B3GLCT: variants seen among roughly 807,000 people sequenced by gnomAD.
B3GLCT encodes the protein beta 3-glucosyltransferase, also known as beta-1,3-glucosyltransferase.
Under a neutral mutation model 63.4 loss-of-function variants are expected in B3GLCT, and 65 were observed. The observed-to-expected ratio is 1.03, with a 90% CI of 0.84 to 1.26. The LOEUF is 1.26. Among genes scored for constraint, B3GLCT ranks in the 50% most tolerant of loss-of-function variants. The pLI, the probability that B3GLCT is intolerant of heterozygous loss-of-function variation, is 0.00. For synonymous variants in B3GLCT, 233 were observed against 219.2 expected (o/e 1.06, Z -0.55); for missense variants, 577 against 604.8 (o/e 0.95, Z 0.48).
At chr13:31,265,358 A>G (rs1000515246) in intron 7 of B3GLCT, among the ~76,000 whole-genome samples, 22 of 152,118 alleles carry the variant, frequency 1.4e-4, no homozygotes, top group Admixed American at 1.2e-3. Flanking sequence ...TGAAGGGGAA[A>G]CTCTGTATTA....
At chr13:31,208,623 C>G (rs1005714819) in intron 1 of B3GLCT, among the ~76,000 whole-genome samples, 4 of 116,370 alleles carry the variant, frequency 3.4e-5, no homozygotes, top group African/African-American at 3.9e-5. Flanking sequence ...TTAGTGGCCC[C>G]CCCCCCCCGC....
intron 7 of B3GLCT, 131 bp downstream of exon 7, chr13:31,261,213 T>C (rs2137830865): frequency 1.9e-6 from 2 of 1,060,670 alleles, no homozygotes; most frequent in Non-Finnish European, 2.7e-6. Flanking sequence ...TGTGGTAAGA[T>C]CTGGAAAAGG....
In B3GLCT at chr13:31,284,907, G is replaced by T. The variant is rs183305361; in HGVS notation, c.964+146G>T. 5.0e-4 allele frequency: 322 copies of T among 648,794 alleles called. 3 individuals carry two copies. In the African/African-American group the frequency reaches 5.4e-3, roughly 11 times the overall value. 40.2% of individuals were successfully genotyped at this position (648,794 alleles called of 1,614,324 possible). A position where few individuals can be genotyped will look rare whatever the true frequency, so the allele number is the denominator to read the frequency against. Reference sequence around the variant, plus strand: ...TTTTCCCTTCTCTCAGATACTGATTGGTTCTTTCAAACTAAGGGCTTTATA... The same window carrying T: ...TTTTCCCTTCTCTCAGATACTGATTTGTTCTTTCAAACTAAGGGCTTTATA... On this transcript the variant is annotated intron_variant, in intron 11 of 14. Transcript: ENST00000343307.
intron 3 of B3GLCT, among the ~76,000 whole-genome samples, chr13:31,227,915 C>T (rs1401743014): frequency 6.6e-6 from 1 of 152,228 alleles, no homozygotes. Flanking sequence ...TGCCGACATT[C>T]CTGTCTGGTG....
rs765396947 is a variant in B3GLCT at position 31,323,942 on chromosome 13, A to G, written c.1329+47A>G. 11 of 1,604,454 alleles carry G rather than the reference A, an allele frequency of 6.9e-6. No homozygotes were observed. The East Asian group carries it at 1.3e-4, about 20-fold the overall frequency. On this transcript the variant is annotated intron_variant, in intron 14 of 14. Coordinates refer to ENST00000343307, the MANE Select transcript of B3GLCT (RefSeq NM_194318.4). Reference sequence around the variant, plus strand: ...TTCCCTCATGGCAGGTGAGGGACAGATTCTTCTCACTTAAGGATTTGACTT... The same window carrying G: ...TTCCCTCATGGCAGGTGAGGGACAGGTTCTTCTCACTTAAGGATTTGACTT...
rs1424066486 is a variant in B3GLCT, at chr13:31,266,158, C to T, written c.597-3056C>T. The stretch of plus-strand genomic sequence containing the variant: ...GACTGCAGGTGCCCGCCACCACACC[C>T]GCCTAATATTTTTGTGTTTTTAGTA... On this transcript the variant is annotated intron_variant, in intron 7 of 14. Transcript: ENST00000343307. 4.6e-5 allele frequency among the ~76,000 whole-genome samples: 7 copies of T among 152,080 alleles called. No individual in the cohort carries two copies. In the South Asian group the frequency reaches 8.3e-4, roughly 18 times the overall value.
At chr13:31,225,818 T>TG (rs1351806783) in intron 3 of B3GLCT, among the ~76,000 whole-genome samples, 1 of 152,182 alleles carries the variant, frequency 6.6e-6, no homozygotes, top group Non-Finnish European at 1.5e-5. Flanking sequence ...CCCCACTGCC[T>TG]GGGACCCCAC....
chr13:31,234,430 T>A (rs1870540307), intron 4 of B3GLCT, among the ~76,000 whole-genome samples: 3 of 152,036 alleles, frequency 2.0e-5, no homozygotes, highest in Admixed American at 2.0e-4. Flanking sequence ...GGAGGGGATG[T>A]GATGCTCAAG....
intron 12 of B3GLCT, among the ~76,000 whole-genome samples, chr13:31,287,105 A>T (rs1873373138): frequency 6.6e-6 from 1 of 152,186 alleles, no homozygotes; most frequent in Admixed American, 6.5e-5. Context: ...CTGCTTAGGG[A>T]GGGAGCACCA....
At chr13:31,244,736 CAT>C (rs1214805948) in intron 4 of B3GLCT, among the ~76,000 whole-genome samples, 2 of 151,736 alleles carry the variant, frequency 1.3e-5, no homozygotes, top group South Asian at 4.2e-4. Context: ...TGTGTGCATT[CAT>C]ATATATATAT....
chr13:31,291,313 CT>C lies in B3GLCT; in HGVS notation c.1064+4501del, dbSNP rs1873645585. Among the ~76,000 whole-genome samples, 10 of 152,138 alleles carry C rather than the reference CT, an allele frequency of 6.6e-5. No homozygotes were observed. The South Asian group carries it at 1.9e-3, about 28-fold the overall frequency. On this transcript the variant is annotated intron_variant, in intron 12 of 14. Coordinates refer to ENST00000343307, the MANE Select transcript of B3GLCT (RefSeq NM_194318.4). ...CTTTGTTCTTTTTGCTTTGGATTGT[CT>C]TTTTTTGTTCCATATGAAATTTAAA... is the stretch of plus-strand genomic sequence containing the variant.
At chr13:31,302,479 G>A (rs907854625) in intron 12 of B3GLCT, among the ~76,000 whole-genome samples, 7 of 137,698 alleles carry the variant, frequency 5.1e-5, no homozygotes, top group African/African-American at 8.3e-5. Context: ...CGCACCGTGC[G>A]CGAGCCGAAG....
intron 14 of B3GLCT, 89 bp from the exon 15 acceptor site, chr13:31,329,412 A>C: frequency 7.0e-7 from 1 of 1,434,690 alleles, no homozygotes; most frequent in Non-Finnish European, 9.8e-7. Flanking sequence ...TAGTGAAGTA[A>C]AGCAGTCCAC....
At chr13:31,295,494 C>G (rs1187466682) in intron 12 of B3GLCT, among the ~76,000 whole-genome samples, 1 of 152,204 alleles carries the variant, frequency 6.6e-6, no homozygotes, top group African/African-American at 2.4e-5. Context: ...ATCTGCCTTT[C>G]ATTTAGAGAT....
intron 1 of B3GLCT, among the ~76,000 whole-genome samples, chr13:31,201,054 G>C (rs1168951343): frequency 1.4e-5 from 2 of 147,784 alleles, no homozygotes; most frequent in Non-Finnish European, 3.0e-5. Context: ...TTCATGATCA[G>C]ATTTGTTCAA....
At chr13:31,319,527 C>T (rs1359177264) in intron 13 of B3GLCT, among the ~76,000 whole-genome samples, 2 of 152,306 alleles carry the variant, frequency 1.3e-5, no homozygotes, top group Non-Finnish European at 2.9e-5. Flanking sequence ...CTGAAACACC[C>T]CTTTCTCTTG....
intron 6 of B3GLCT, among the ~76,000 whole-genome samples, chr13:31,255,015 T>G (rs1593276618): frequency 1.0e-5 from 1 of 99,354 alleles, no homozygotes; most frequent in African/African-American, 4.2e-5. Flanking sequence ...CCCGCCCAGG[T>G]GACAGTGCAA....
intron 4 of B3GLCT, among the ~76,000 whole-genome samples, chr13:31,231,413 A>G (rs1870375224): frequency 6.6e-6 from 1 of 152,138 alleles, no homozygotes; most frequent in South Asian, 2.1e-4. Context: ...TTTTGCAGAT[A>G]CAGATTTGTG....
chr13:31,201,479 C>G (rs1028288261), intron 1 of B3GLCT, among the ~76,000 whole-genome samples: 1 of 152,146 alleles, frequency 6.6e-6, no homozygotes, highest in Admixed American at 6.5e-5. Flanking sequence ...TGGCTGGAAT[C>G]GGCTTCAGTG....
Sources: allele counts gnomAD v4.1 joint callset (sites outside exome capture counted in the v4.1 genomes callset), GRCh38; gene constraint gnomAD v4.1.1; transcripts MANE v1.5; gene names NCBI Gene and HGNC (gene_info 2026-07-23, HGNC 2026-07-21).